Variants in NCKAP5 observed in about 807,000 individuals in gnomAD.
NCKAP5 encodes the protein NCK associated protein 5, also known as nck-associated protein 5.
NCKAP5 carries 92 observed loss-of-function variants against 167.0 expected under a neutral mutation model. The ratio of observed to expected loss-of-function variants is 0.55; its 90% CI spans 0.47 to 0.66. The LOEUF is 0.66. Among genes scored for constraint, NCKAP5 ranks in the 30% least tolerant of loss-of-function variants. NCKAP5 has a pLI of 0.00. For synonymous variants in NCKAP5, 891 were observed against 877.4 expected (o/e 1.02, Z -0.27); for missense variants, 2,378 against 2,315.0 (o/e 1.03, Z -0.56).
At chr2:133,463,063 G>T (rs936005864) in intron 3 of NCKAP5, among the ~76,000 whole-genome samples, 1 of 152,098 alleles carries the variant, frequency 6.6e-6, no homozygotes, top group Non-Finnish European at 1.5e-5. Context: ...AACATTTATT[G>T]CTCCCCTGCT....
intron 3 of NCKAP5, among the ~76,000 whole-genome samples, chr2:133,435,777 T>C (rs1013122247): frequency 6.6e-6 from 1 of 152,102 alleles, no homozygotes; most frequent in African/African-American, 2.4e-5. Flanking sequence ...CTGGGTGAGT[T>C]CACTTGATAT....
At chr2:132,687,754 CA>C (rs1304624014) in intron 19 of NCKAP5, among the ~76,000 whole-genome samples, 122 of 151,178 alleles carry the variant, frequency 8.1e-4, no homozygotes, top group Non-Finnish European at 1.1e-3. Flanking sequence ...CACACACACA[CA>C]CCCTTCCTCT....
At chr2:132,680,570 TGGAAAGGAAAA>T (rs1685092097) in intron 19 of NCKAP5, among the ~76,000 whole-genome samples, 1 of 151,972 alleles carries the variant, frequency 6.6e-6, no homozygotes, top group East Asian at 1.9e-4. Flanking sequence ...ATACACCTTG[TGGAAAGGAAAA>T]GGATGCATTT....
chr2:133,284,300 G>A (rs548279447), intron 4 of NCKAP5, among the ~76,000 whole-genome samples: 1 of 152,120 alleles, frequency 6.6e-6, no homozygotes, highest in Non-Finnish European at 1.5e-5. Context: ...CTACCCCATA[G>A]AGTAGGGATT....
chr2:132,726,977 C>T (rs1386415151), intron 18 of NCKAP5, among the ~76,000 whole-genome samples: 3 of 152,202 alleles, frequency 2.0e-5, no homozygotes, highest in Admixed American at 6.5e-5. Context: ...TTCATAGCTC[C>T]ATTCAACAAA....
chr2:132,768,939 CTTTTTTTT>C (rs1226877275), intron 16 of NCKAP5, among the ~76,000 whole-genome samples: 1 of 116,304 alleles, frequency 8.6e-6, no homozygotes. Flanking sequence ...ACACCTGGCC[CTTTTTTTT>C]TTTTTTTTTT....
At chr2:133,653,424 C>T in the NCKAP5 span, among the ~76,000 whole-genome samples, 2 of 152,202 alleles carry the variant, frequency 1.3e-5, no homozygotes, top group African/African-American at 2.4e-5. Context: ...TACAGAGAAG[C>T]CTAGTTTCCT....
chr2:132,956,143 C>T (rs188291298), intron 8 of NCKAP5, among the ~76,000 whole-genome samples: 125 of 152,246 alleles, frequency 8.2e-4, no homozygotes, highest in Admixed American at 2.2e-3. Context: ...TGTTAACTAG[C>T]TTGATGTAAT....
In NCKAP5 at chr2:133,039,106, C is replaced by G. The variant is rs1173403419; in HGVS notation, c.342-44867G>C. Among the ~76,000 whole-genome samples the G allele has an allele frequency of 2.0e-5, 3 of 152,224 alleles. No homozygotes were observed. The East Asian group carries it at 5.8e-4, about 29-fold the overall frequency. ...TCTGGAGGAGAAGGTTTGAGCGGCT[C>G]CAGCATAGGAGTCCTACCCACATCC... On this transcript the variant is annotated intron_variant, in intron 6 of 19. Coordinates refer to ENST00000409261, the MANE Select transcript of NCKAP5 (RefSeq NM_207363.3).
intron 5 of NCKAP5, among the ~76,000 whole-genome samples, chr2:133,197,914 C>T (rs1234820294): frequency 6.6e-6 from 1 of 152,036 alleles, no homozygotes; most frequent in Non-Finnish European, 1.5e-5. Context: ...CGTGCCACTG[C>T]ACTCCAGCCT....
At chr2:133,405,630 G>T (rs756608860) in intron 3 of NCKAP5, among the ~76,000 whole-genome samples, 9 of 152,316 alleles carry the variant, frequency 5.9e-5, no homozygotes, top group East Asian at 1.9e-4. Flanking sequence ...TGATTTTGGG[G>T]TTATAAGTGA....
At chr2:133,605,082 T>C in the NCKAP5 span, among the ~76,000 whole-genome samples, 1 of 152,182 alleles carries the variant, frequency 6.6e-6, no homozygotes, top group Non-Finnish European at 1.5e-5. Context: ...CAGATTTATC[T>C]ACCTCCCCGG....
At chr2:133,516,615 G>A (rs1430785645) in intron 3 of NCKAP5, among the ~76,000 whole-genome samples, 1 of 152,190 alleles carries the variant, frequency 6.6e-6, no homozygotes, top group Non-Finnish European at 1.5e-5. Context: ...AAGTTTGAAA[G>A]GTATAACGGA....
chr2:133,614,599 A>G, the NCKAP5 span, among the ~76,000 whole-genome samples: 1 of 152,160 alleles, frequency 6.6e-6, no homozygotes, highest in Non-Finnish European at 1.5e-5. Flanking sequence ...AGTTTAGAGA[A>G]AAAAGAATAA....
In NCKAP5 at chr2:133,265,652, G is replaced by C. The variant is rs1013327929; in HGVS notation, c.143+37385C>G. On this transcript the variant is annotated intron_variant, in intron 4 of 19. Transcript: ENST00000409261. ...AAGGGAGGGGCCGCCTGGGCAAGTG[G>C]CCTGCAGCTGGGCAGACAAGGTCAG... Among the ~76,000 whole-genome samples the C allele has an allele frequency of 2.0e-5, 3 of 151,972 alleles. No individual in the cohort carries two copies. The East Asian group carries it at 5.9e-4, about 30-fold the overall frequency.
intron 12 of NCKAP5, among the ~76,000 whole-genome samples, chr2:132,794,257 TATATATAGAGAGAGAGAGAGAGAG>T (rs1249548809): frequency 2.4e-5 from 1 of 40,970 alleles, no homozygotes; most frequent in Admixed American, 3.0e-4. Flanking sequence ...TATATATATA[TATATATAGAGAGAGAGAGAGAGAG>T]AGAGAGAGAG....
chr2:133,286,190 G>T (rs1338154600), intron 4 of NCKAP5, among the ~76,000 whole-genome samples: 1 of 151,972 alleles, frequency 6.6e-6, no homozygotes, highest in Admixed American at 6.6e-5. Context: ...AGTAGAGACG[G>T]GGTTTCACTG....
intron 11 of NCKAP5, among the ~76,000 whole-genome samples, chr2:132,807,318 G>A (rs1388947210): frequency 3.3e-5 from 5 of 151,982 alleles, no homozygotes; most frequent in Non-Finnish European, 7.4e-5. Flanking sequence ...TTTTTATGGG[G>A]ATTGCATTGA....
At chr2:133,380,024 T>A (rs1410735195) in intron 3 of NCKAP5, among the ~76,000 whole-genome samples, 1 of 152,080 alleles carries the variant, frequency 6.6e-6, no homozygotes, top group Non-Finnish European at 1.5e-5. Context: ...GGGAAAAAAA[T>A]TATTTTTGGC....
Sources: gnomAD v4.1 joint callset for allele counts (sites outside exome capture counted in the v4.1 genomes callset) on GRCh38, gnomAD v4.1.1 for gene constraint, MANE v1.5 for transcripts, NCBI Gene and HGNC (gene_info 2026-07-23, HGNC 2026-07-21) for gene names.